HMCN2: variants seen among roughly 807,000 people sequenced by gnomAD.
HMCN2 encodes hemicentin 2.
In HMCN2, 325 loss-of-function variants were observed where a neutral mutation model predicts 377.5. The ratio of observed to expected loss-of-function variants is 0.86; its 90% CI spans 0.79 to 0.94. The LOEUF (loss-of-function observed/expected upper bound fraction) is 0.94. HMCN2 is among the 40% of genes least tolerant of loss of function. HMCN2 has a pLI of 0.00. For synonymous variants in HMCN2, 2,007 were observed against 2,046.8 expected, an observed-to-expected ratio of 0.98 and a Z score of 0.53; for missense variants, 4,543 against 4,725.3, an observed-to-expected ratio of 0.96 and a Z score of 1.13.
Position 130,408,741 on chromosome 9 carries a change from A to G in HMCN2, c.12689-2A>G. On this transcript the variant is annotated splice_acceptor_variant, in intron 83 of 97. Coordinates refer to ENST00000683500, the MANE Select transcript of HMCN2 (RefSeq NM_001291815.2). LOFTEE classifies it high-confidence loss of function. ...CAACTTGCTCGATGTCACCCCATGC[A>G]GAGGCTCCTGTCCTACAAGGGGAGG... 3.1e-6 allele frequency: 4 copies of G among 1,287,392 alleles called. No homozygotes were observed. Among genetic ancestry groups the G allele is most frequent in the Non-Finnish European group, 4.1e-6 (4 of 987,216 alleles). 79.7% of individuals were successfully genotyped at this position (1,287,392 alleles called of 1,614,324 possible). A position where few individuals can be genotyped will look rare whatever the true frequency, so the allele number is the denominator to read the frequency against.
intron 93 of HMCN2, 196 bp from the exon 94 acceptor site, chr9:130,429,360 TG>T: frequency 1.6e-6 from 1 of 641,422 alleles, no homozygotes; most frequent in Non-Finnish European, 2.7e-6. Flanking sequence ...TTCCTTTCTC[TG>T]GGACCTGGAA....
rs1484038052 is a variant in HMCN2, at chr9:130,385,652, G to A, written c.9199G>A (p.Ala3067Thr). 2 of 1,304,068 alleles carry A rather than the reference G, an allele frequency of 1.5e-6. No homozygotes were observed. Among genetic ancestry groups the A allele is most frequent in the Non-Finnish European group, 2.0e-6 (2 of 988,914 alleles). The allele number at this position is 1,304,068 out of a possible 1,614,324, so 80.8% of individuals were successfully genotyped here. ...DKAVLSCETD[A>T]LPEPTVTWYK... is the part of the protein sequence containing the mutation. The stretch of plus-strand genomic sequence containing the variant: ...AGCTGTCCTGAGCTGCGAGACAGAT[G>A]CGCTCCCTGAGCCAACTGTGACCTG... Residue 3067 changes from alanine to threonine, a missense_variant, in exon 60 of 98, where the codon GCG (alanine) becomes ACG (threonine). Physicochemically the swap from Ala to Thr is moderately conservative, Grantham distance 58. Around this residue, in one of 5 missense-constraint regions of HMCN2, gnomAD observed 736 missense variants for 773.2 expected, o/e 0.95. Coordinates refer to ENST00000683500, the MANE Select transcript of HMCN2 (RefSeq NM_001291815.2).
chr9:130,402,351 A>G (rs1478388591), intron 77 of HMCN2, among the ~76,000 whole-genome samples: 1 of 152,216 alleles, frequency 6.6e-6, no homozygotes, highest in Non-Finnish European at 1.5e-5. Flanking sequence ...AACCAAGGCT[A>G]AGGCCAGGAG....
chr9:130,433,020 C>G (rs1227863879), intron 97 of HMCN2: 1 of 398,720 alleles, frequency 2.5e-6, no homozygotes, highest in Non-Finnish European at 4.4e-6. Context: ...ACCCCGCCCC[C>G]GCAGGGCAAA....
In HMCN2 at chr9:130,404,932, T is replaced by C; in HGVS notation, c.12212T>C (p.Leu4071Ser). ...ACCACCGAAGGCTCCCACGCCTTCTTGCCTTGCAAGGCGAGGGGCAGTCCT... is the reference window on the plus strand; with the variant it reads ...ACCACCGAAGGCTCCCACGCCTTCTCGCCTTGCAAGGCGAGGGGCAGTCCT... Reference protein sequence around the residue: ...LSTTEGSHAFLPCKARGSPEP... With the variant: ...LSTTEGSHAFSPCKARGSPEP... The change falls in exon 81 of 98, where the codon TTG (leucine) becomes TCG (serine). Residue 4071 changes from leucine (L) to serine (S), a missense_variant. Coordinates refer to ENST00000683500, the MANE Select transcript of HMCN2 (RefSeq NM_001291815.2). 1 of 1,288,696 alleles carries C rather than the reference T, an allele frequency of 7.8e-7. No homozygotes were observed. Among genetic ancestry groups the C allele is most frequent in the South Asian group, 1.2e-5 (1 of 80,644 alleles). The allele number at this position is 1,288,696 out of a possible 1,614,324, so 79.8% of individuals were successfully genotyped here. A position where few individuals can be genotyped will look rare whatever the true frequency, so the allele number is the denominator to read the frequency against.
intron 19 of HMCN2, among the ~76,000 whole-genome samples, chr9:130,324,227 T>A (rs1838004110): frequency 6.6e-6 from 1 of 152,188 alleles, no homozygotes; most frequent in South Asian, 2.1e-4. Context: ...CCTATCTCTA[T>A]GAACTTGCGT....
Position 130,395,364 on chromosome 9 carries a change from G to T in HMCN2, c.10911+17G>T, listed in dbSNP as rs117624110. On this transcript the variant is annotated intron_variant, in intron 71 of 97. Coordinates refer to ENST00000683500, the MANE Select transcript of HMCN2 (RefSeq NM_001291815.2). ...GTGCTGCAGGTGGGCGCCAGGCAGG[G>T]CCCCAGGGTGCTGCCTTCTGTCCCG... The T allele has an allele frequency of 9.5e-3, 12,110 of 1,280,416 alleles. 68 individuals carry two copies. Among genetic ancestry groups the T allele is most frequent in the Non-Finnish European group, 0.011 (11,047 of 984,454 alleles). 79.3% of individuals were successfully genotyped at this position (1,280,416 alleles called of 1,614,324 possible). A position where few individuals can be genotyped will look rare whatever the true frequency, so the allele number is the denominator to read the frequency against.
At chr9:130,349,503 C>T in intron 28 of HMCN2, 34 bp from the exon 29 acceptor site, 1 of 1,299,232 alleles carries the variant, frequency 7.7e-7, no homozygotes, top group Non-Finnish European at 1.0e-6. Flanking sequence ...AGGGTTTGAA[C>T]AGTTTCCCAC....
At position 130,429,559 on chromosome 9, in the gene HMCN2, G is replaced by T; in HGVS notation, c.14200G>T (p.Val4734Leu). Reference sequence around the variant, plus strand: ...CCGACCATGCCCCTGCCTCCCAGATGTGGACGAATGCCTGGAGGGGTTGGA... The same window carrying T: ...CCGACCATGCCCCTGCCTCCCAGATTTGGACGAATGCCTGGAGGGGTTGGA... Reference protein sequence around the residue: ...RVADGAGCEDVDECLEGLDDC... With the variant: ...RVADGAGCEDLDECLEGLDDC... The change falls in exon 94 of 98, where the codon GTG becomes TTG. Residue 4734 changes from valine to leucine, a missense_variant and splice_region_variant. Physicochemically the swap from Val to Leu is conservative, Grantham distance 32. This residue lies in a region of HMCN2 where 1,155 missense variants were observed against 1,157.7 expected (regional missense o/e 1.00). Coordinates refer to ENST00000683500, the MANE Select transcript of HMCN2 (RefSeq NM_001291815.2). 1 of 1,550,416 alleles carries T rather than the reference G, an allele frequency of 6.4e-7. No individual in the cohort carries two copies. The highest frequency in any genetic ancestry group is 8.7e-7 in the Non-Finnish European group (1 of 1,146,856).
At chr9:130,293,708 G>A (rs1323624919) in intron 4 of HMCN2, among the ~76,000 whole-genome samples, 1 of 152,142 alleles carries the variant, frequency 6.6e-6, no homozygotes, top group Non-Finnish European at 1.5e-5. Context: ...CACTCACTCT[G>A]TGCCTGGCAG....
chr9:130,333,483 T>G lies in HMCN2; in HGVS notation c.3360-4411T>G, dbSNP rs1005723608. 3.9e-5 allele frequency among the ~76,000 whole-genome samples: 6 copies of G among 152,064 alleles called. No homozygotes were observed. In the East Asian group the frequency reaches 1.2e-3, roughly 29 times the overall value. The stretch of plus-strand genomic sequence containing the variant: ...ACTCTGACATCTGCGTGCGCCTCAC[T>G]GCAGGGGCTCAAGCCAGATGGATGT... On this transcript the variant is annotated intron_variant, in intron 22 of 97. Transcript: ENST00000683500.
intron 11 of HMCN2, among the ~76,000 whole-genome samples, chr9:130,305,304 A>G (rs2131347812): frequency 6.6e-6 from 1 of 151,486 alleles, no homozygotes; most frequent in African/African-American, 2.4e-5. Flanking sequence ...ATTGTTCCCC[A>G]CTCCCCACTG....
intron 1 of HMCN2, among the ~76,000 whole-genome samples, chr9:130,276,866 G>A (rs1270471924): frequency 8.5e-5 from 13 of 152,304 alleles, no homozygotes; most frequent in South Asian, 8.3e-4. Context: ...GGCTGAGTGC[G>A]GGACCTACCT....
chr9:130,367,770 G>A (rs1341256948), intron 43 of HMCN2, among the ~76,000 whole-genome samples: 2 of 151,756 alleles, frequency 1.3e-5, no homozygotes, highest in African/African-American at 2.4e-5. Context: ...GTGACACCCC[G>A]TCTCTACTAA....
At position 130,266,692 on chromosome 9, in the gene HMCN2, C is replaced by T. The variant is rs533928277; in HGVS notation, c.259+555C>T. On this transcript the variant is annotated intron_variant, in intron 1 of 97. Transcript: ENST00000683500. The stretch of plus-strand genomic sequence containing the variant: ...GGTCTTGTCCCCTCGCCTGTCTTCC[C>T]TGGGGAAAGGGCAGCGCCTCTCGTG... Among the ~76,000 whole-genome samples, 5 of 152,364 alleles carry T rather than the reference C, an allele frequency of 3.3e-5. No homozygotes were observed. In the South Asian group the frequency reaches 1.0e-3, roughly 32 times the overall value.
At chr9:130,410,941 G>A (rs756178411) in intron 85 of HMCN2, among the ~76,000 whole-genome samples, 4 of 152,166 alleles carry the variant, frequency 2.6e-5, no homozygotes, top group South Asian at 2.1e-4. Context: ...CAAGCAGCTC[G>A]TAGTTTACCA....
At chr9:130,385,453 G>T (rs1841971281) in intron 59 of HMCN2, 107 bp from the exon 60 acceptor site, 1 of 715,204 alleles carries the variant, frequency 1.4e-6, no homozygotes, top group Non-Finnish European at 2.1e-6. Flanking sequence ...CCGGGGCTGG[G>T]TCTGCTGTGT....
rs1372163475 is a variant in HMCN2 at position 130,358,458 on chromosome 9, C to T, written c.5649C>T (p.Ser1883=). Residue 1883 remains serine (S), a synonymous_variant, in exon 36 of 98, where the codon AGC becomes AGT. Transcript: ENST00000683500. The part of the protein sequence containing the change: ...TCAATNLAGE[S]KREVALKVLV... ...CTGCTACCAACCTGGCTGGGGAGAGCAAGAGGGAAGTGGCGCTGAAAGTTT... is the reference window on the plus strand; with the variant it reads ...CTGCTACCAACCTGGCTGGGGAGAGTAAGAGGGAAGTGGCGCTGAAAGTTT... 2 of 1,304,176 alleles carry T rather than the reference C, an allele frequency of 1.5e-6. No homozygotes were observed. Among genetic ancestry groups the T allele is most frequent in the Admixed American group, 2.3e-5 (1 of 43,548 alleles). The allele number at this position is 1,304,176 out of a possible 1,614,324, so 80.8% of individuals were successfully genotyped here.
rs1005187386 is a variant in HMCN2, at chr9:130,414,591, A to C, written c.12961+3939A>C. Reference sequence around the variant, plus strand: ...ACAGATGCCTACTGAGATAGTACAGATATCAGGTAATCTGATAAGGACTTT... The same window carrying C: ...ACAGATGCCTACTGAGATAGTACAGCTATCAGGTAATCTGATAAGGACTTT... On this transcript the variant is annotated intron_variant, in intron 85 of 97. Transcript: ENST00000683500. This position sits in a 1 kb window ranked among gnomAD's most constrained non-coding sequence, Gnocchi z 4.4. 2.6e-5 allele frequency among the ~76,000 whole-genome samples: 4 copies of C among 151,632 alleles called. No homozygotes were observed. In the Admixed American group the frequency reaches 2.6e-4, roughly 10 times the overall value.
Sources: gnomAD v4.1 joint callset for allele counts (sites outside exome capture counted in the v4.1 genomes callset) on GRCh38, gnomAD v4.1.1 for gene constraint, gnomAD v4.1.1 regional missense constraint, Gnocchi (gnomAD v3.1) non-coding constraint, MANE v1.5 for transcripts, NCBI Gene and HGNC (gene_info 2026-07-23, HGNC 2026-07-21) for gene names.